Variants in MYH9 observed in about 807,000 individuals in gnomAD.
MYH9 encodes the protein myosin heavy chain 9, also known as myosin-9.
A neutral mutation model predicts 241.9 loss-of-function variants in MYH9; 29 were observed. The observed-to-expected ratio is 0.12, with a 90% CI of 0.09 to 0.16. MYH9 has a LOEUF of 0.16. Among genes scored for constraint, MYH9 ranks in the 10% least tolerant of loss-of-function variants. MYH9 has a pLI of 1.00. For synonymous variants in MYH9, 1,047 were observed against 1,062.6 expected (o/e 0.99, Z 0.29); for missense variants, 1,803 against 2,595.5 (o/e 0.69, Z 6.63).
rs778442559 is a variant in MYH9 at position 36,285,979 on chromosome 22, C to T, written c.5062-26G>A. On this transcript the variant is annotated intron_variant, in intron 35 of 40. Transcript: ENST00000216181. The surrounding 1 kb of genome is among the most constrained non-coding windows in gnomAD (Gnocchi z 7.0). ...CTGCCACAAAGACCCAGAGTGTGAC[C>T]TAAAGGCAGCCACAGCCCCACAAGA... 1 of 1,607,486 alleles carries T rather than the reference C, an allele frequency of 6.2e-7. No homozygotes were observed. The highest frequency in any genetic ancestry group is 1.7e-5 in the Admixed American group (1 of 60,008).
At chr22:36,321,180 G>C (rs2017245073) in intron 7 of MYH9, among the ~76,000 whole-genome samples, 1 of 152,162 alleles carries the variant, frequency 6.6e-6, no homozygotes, top group Non-Finnish European at 1.5e-5. Context: ...CCTGACCTCA[G>C]GTGATCCACC....
chr22:36,335,480 G>A (rs949938401), intron 3 of MYH9, among the ~76,000 whole-genome samples: 1 of 152,202 alleles, frequency 6.6e-6, no homozygotes, highest in African/African-American at 2.4e-5. Context: ...GGCTTCCATG[G>A]CGCTCCTTCC....
At position 36,305,860 on chromosome 22, in the gene MYH9, C is replaced by G. The variant is rs2016959621; in HGVS notation, c.2159+70G>C. Reference sequence around the variant, plus strand: ...ACGACAGGATCCTGCCAGGGAGCAGCAGCCCACCTCTGGGACTCACTGCAC... The same window carrying G: ...ACGACAGGATCCTGCCAGGGAGCAGGAGCCCACCTCTGGGACTCACTGCAC... On this transcript the variant is annotated intron_variant, in intron 17 of 40. Transcript: ENST00000216181. The surrounding 1 kb of genome is among the most constrained non-coding windows in gnomAD (Gnocchi z 4.7). 5 of 1,605,778 alleles carry G rather than the reference C, an allele frequency of 3.1e-6. No individual in the cohort carries two copies. The highest frequency in any genetic ancestry group is 1.9e-4 in the Middle Eastern group (1 of 5,396).
intron 40 of MYH9, among the ~76,000 whole-genome samples, chr22:36,283,782 C>A (rs1026006361): frequency 6.6e-6 from 1 of 152,202 alleles, no homozygotes. Flanking sequence ...TCATGAGGCT[C>A]ACATTCGTTT....
chr22:36,332,128 A>G (rs1374327878), intron 3 of MYH9, among the ~76,000 whole-genome samples: 1 of 151,988 alleles, frequency 6.6e-6, no homozygotes, highest in Non-Finnish European at 1.5e-5. Context: ...CCTCCATCGA[A>G]CACCCCTATG....
At chr22:36,375,864 T>C (rs1357654450) in intron 1 of MYH9, among the ~76,000 whole-genome samples, 1 of 152,144 alleles carries the variant, frequency 6.6e-6, no homozygotes. Flanking sequence ...TTCCATTTTT[T>C]TAAATGTAAG....
intron 1 of MYH9, among the ~76,000 whole-genome samples, chr22:36,371,670 G>A (rs575257922): frequency 1.3e-3 from 204 of 152,240 alleles, no homozygotes; most frequent in Non-Finnish European, 2.5e-3. Flanking sequence ...CCAAGTAGCT[G>A]GGATTACAGG....
At chr22:36,363,571 A>G (rs1259338340) in intron 1 of MYH9, among the ~76,000 whole-genome samples, 4 of 151,932 alleles carry the variant, frequency 2.6e-5, no homozygotes, top group Admixed American at 1.3e-4. Flanking sequence ...TCTGCAGATA[A>G]GTCATCTACA....
In MYH9 at chr22:36,322,518, C is replaced by G; in HGVS notation, c.616G>C (p.Glu206Gln). Residue 206 changes from glutamate (E) to glutamine (Q), a missense_variant, in exon 6 of 41, where the codon GAG becomes CAG. Glu to Gln is a conservative substitution (Grantham distance 29). Transcript: ENST00000216181. ...SSHKSKKDQG[E>Q]LERQLLQANP... ...GCCTGCAGCAGCTGCCGCTCCAGCT[C>G]GCCCTGCAAGGAACCCAGGGACGCA... 4.3e-6 allele frequency: 7 copies of G among 1,613,614 alleles called. No individual in the cohort carries two copies. Among genetic ancestry groups the G allele is most frequent in the Non-Finnish European group, 5.9e-6 (7 of 1,179,942 alleles).
chr22:36,303,885 C>T, intron 19 of MYH9, 110 bp downstream of exon 19: 1 of 1,338,372 alleles, frequency 7.5e-7, no homozygotes, highest in Non-Finnish European at 1.0e-6. Flanking sequence ...CTGGGCCTCC[C>T]TGACAGGCAT....
At chr22:36,298,544 A>G (rs2016824023) in intron 24 of MYH9, among the ~76,000 whole-genome samples, 1 of 152,200 alleles carries the variant, frequency 6.6e-6, no homozygotes, top group Non-Finnish European at 1.5e-5. Flanking sequence ...CTGCAAGATG[A>G]GCCAGCTAGT....
intron 11 of MYH9, 119 bp downstream of exon 11, chr22:36,318,088 G>T (rs2017187811): frequency 2.3e-6 from 2 of 875,350 alleles, no homozygotes; most frequent in Non-Finnish European, 1.9e-6. Flanking sequence ...CTGCATCATG[G>T]AATCATGTGA....
intron 1 of MYH9, among the ~76,000 whole-genome samples, chr22:36,381,053 G>A (rs2018248317): frequency 6.6e-6 from 1 of 152,126 alleles, no homozygotes; most frequent in Admixed American, 6.5e-5. Flanking sequence ...GGACCCAAAG[G>A]TTTCAAGCAC....
Position 36,293,189 on chromosome 22 carries a change from G to C in MYH9, c.4095+140C>G. 1 of 997,422 alleles carries C rather than the reference G, an allele frequency of 1.0e-6. No homozygotes were observed. The highest frequency in any genetic ancestry group is 1.5e-6 in the Non-Finnish European group (1 of 665,796). The allele number at this position is 997,422 out of a possible 1,614,324, so 61.8% of individuals were successfully genotyped here. A position where few individuals can be genotyped will look rare whatever the true frequency, so the allele number is the denominator to read the frequency against. ...TCCTTTCCTTGAGAGCACTGATGTG[G>C]GAGAGCACGGTTGGCTTCCCAGGGG... On this transcript the variant is annotated intron_variant, in intron 30 of 40. Coordinates refer to ENST00000216181, the MANE Select transcript of MYH9 (RefSeq NM_002473.6). This position sits in a 1 kb window ranked among gnomAD's most constrained non-coding sequence, Gnocchi z 5.1.
At chr22:36,369,790 G>A (rs909446928) in intron 1 of MYH9, among the ~76,000 whole-genome samples, 3 of 152,214 alleles carry the variant, frequency 2.0e-5, no homozygotes, top group Admixed American at 6.5e-5. Context: ...AGTAGATATG[G>A]AAAATAACTG....
intron 1 of MYH9, among the ~76,000 whole-genome samples, chr22:36,377,485 A>T (rs563065452): frequency 1.6e-3 from 244 of 152,336 alleles, no homozygotes; most frequent in African/African-American, 5.7e-3. Flanking sequence ...TGGGAAAAGG[A>T]TGCAAAAGTT....
rs727503281 is a variant in MYH9 at position 36,282,745 on chromosome 22, G to C, written c.5806C>G (p.Arg1936Gly). 1 of 1,613,392 alleles carries C rather than the reference G, an allele frequency of 6.2e-7. No individual in the cohort carries two copies. Among genetic ancestry groups the C allele is most frequent in the East Asian group, 2.2e-5 (1 of 44,900 alleles). The change falls in exon 41 of 41, where the codon CGG becomes GGG. Residue 1936 changes from arginine (R) to glycine (G), a missense_variant. Physicochemically the swap from Arg to Gly is moderately radical, Grantham distance 125 (BLOSUM62 -2). Transcript: ENST00000216181. ...LPFVVPRRMA[R>G]KGAGDGSDEE... The stretch of plus-strand genomic sequence containing the variant: ...TCGGAGCCATCCCCGGCGCCTTTCC[G>C]GGCCATTCGGCGGGGCACGACAAAC...
At chr22:36,384,077 C>T (rs946058060) in intron 1 of MYH9, among the ~76,000 whole-genome samples, 3 of 150,772 alleles carry the variant, frequency 2.0e-5, no homozygotes, top group Admixed American at 6.6e-5. Flanking sequence ...TCCAGACCAG[C>T]GTGGTCAACA....
rs143466295 is a variant in MYH9 at position 36,323,654 on chromosome 22, G to A, written c.613-1133C>T. ...GACGAGACCCATCTGCAGGGCACCG[G>A]GGACACTCTGGAGTCTAGCCGAGCC... On this transcript the variant is annotated intron_variant, in intron 5 of 40. Transcript: ENST00000216181. Among the ~76,000 whole-genome samples, 309 of 152,246 alleles carry A rather than the reference G, an allele frequency of 2.0e-3. 1 individual carries two copies. Among genetic ancestry groups the A allele is most frequent in the African/African-American group, 6.5e-3 (268 of 41,534 alleles).
Sources: allele counts gnomAD v4.1 joint callset (sites outside exome capture counted in the v4.1 genomes callset), GRCh38; gene constraint gnomAD v4.1.1; non-coding constraint Gnocchi (gnomAD v3.1); transcripts MANE v1.5; gene names NCBI Gene and HGNC (gene_info 2026-07-23, HGNC 2026-07-21).